The following MYCT1 variants were observed in gnomAD, a reference collection of about 807,000 sequenced individuals.
MYCT1 encodes myc target protein 1.
A neutral mutation model predicts 15.0 loss-of-function variants in MYCT1; 12 were observed. The ratio of observed to expected loss-of-function variants is 0.80; its 90% CI spans 0.51 to 1.29. MYCT1 has a LOEUF of 1.29. Ranked by LOEUF, MYCT1 falls within the 50% of genes most tolerant of loss-of-function variation. MYCT1 has a pLI of 0.00. For synonymous variants in MYCT1, 104 were observed against 102.7 expected (o/e 1.01, Z -0.07); for missense variants, 287 against 279.1 (o/e 1.03, Z -0.20).
chr6:152,743,348 G>C, the MYCT1 span, among the ~76,000 whole-genome samples: 1 of 152,320 alleles, frequency 6.6e-6, no homozygotes, highest in Middle Eastern at 3.4e-3. Context: ...TTATAGGCAT[G>C]AGCCACTGCG....
At chr6:152,731,895 C>T in the MYCT1 span, among the ~76,000 whole-genome samples, 1 of 152,034 alleles carries the variant, frequency 6.6e-6, no homozygotes. Flanking sequence ...CTATAGGGCA[C>T]ATGCCACCAC....
intron 1 of MYCT1, among the ~76,000 whole-genome samples, chr6:152,699,271 A>G (rs1320979719): frequency 6.6e-6 from 1 of 152,152 alleles, no homozygotes; most frequent in Non-Finnish European, 1.5e-5. Flanking sequence ...TGTGGGGACA[A>G]ATATTTATTG....
At chr6:152,738,197 C>T in the MYCT1 span, among the ~76,000 whole-genome samples, 4 of 152,030 alleles carry the variant, frequency 2.6e-5, no homozygotes, top group Non-Finnish European at 5.9e-5. Context: ...GGAAAAACAG[C>T]ATTAACAACT....
At chr6:152,745,015 T>A in the MYCT1 span, among the ~76,000 whole-genome samples, 1 of 152,078 alleles carries the variant, frequency 6.6e-6, no homozygotes, top group South Asian at 2.1e-4. Flanking sequence ...GGAGACCAGC[T>A]GGAACAACTG....
the MYCT1 span, among the ~76,000 whole-genome samples, chr6:152,739,699 A>G: frequency 6.6e-6 from 1 of 152,104 alleles, no homozygotes. Context: ...TTTAGAAAAT[A>G]TTAACTTTCT....
At chr6:152,719,543 C>A (rs1167595503) in intron 1 of MYCT1, among the ~76,000 whole-genome samples, 5 of 152,094 alleles carry the variant, frequency 3.3e-5, no homozygotes. Flanking sequence ...TGATATAATA[C>A]ACTAAAAAAT....
the MYCT1 span, among the ~76,000 whole-genome samples, chr6:152,738,853 T>A: frequency 2.4e-4 from 36 of 152,236 alleles, no homozygotes; most frequent in Middle Eastern, 3.4e-3. Flanking sequence ...ATTTTAGTTT[T>A]GTTTTTAAAG....
In MYCT1 at chr6:152,720,638, A is replaced by C. The variant is rs144347555; in HGVS notation, c.197-1104A>C. On this transcript the variant is annotated intron_variant, in intron 1 of 1. Coordinates refer to ENST00000367245, the MANE Select transcript of MYCT1 (RefSeq NM_025107.3). The stretch of plus-strand genomic sequence containing the variant: ...AATGAGTTTTCCAGACAGAAGCTTA[A>C]AAAATTGAATTCAGATAAAAGGACA... 7.1e-3 allele frequency among the ~76,000 whole-genome samples: 1,087 copies of C among 152,314 alleles called. 18 individuals carry two copies. The highest frequency in any genetic ancestry group is 0.025 in the African/African-American group (1,042 of 41,568).
intron 1 of MYCT1, among the ~76,000 whole-genome samples, chr6:152,701,096 C>T (rs551173946): frequency 6.6e-6 from 1 of 152,130 alleles, no homozygotes; most frequent in East Asian, 1.9e-4. Context: ...AAATCTTTCT[C>T]AGAAAAAAAA....
intron 1 of MYCT1, among the ~76,000 whole-genome samples, chr6:152,702,720 A>G (rs1433643333): frequency 6.6e-6 from 1 of 152,242 alleles, no homozygotes; most frequent in Non-Finnish European, 1.5e-5. Context: ...CAAATTTGGA[A>G]ACAAATACTA....
Position 152,722,698 on chromosome 6 carries a change from A to G in MYCT1, c.*445A>G. On this transcript the variant is annotated 3_prime_UTR_variant, in exon 2 of 2. Transcript: ENST00000367245. ...GGATTTGGATTTTACTTTCTTTAGA[A>G]TGACAAGTGAATCATATTGACATTT... The G allele has an allele frequency of 3.0e-6, 1 of 328,622 alleles. No homozygotes were observed. Among genetic ancestry groups the G allele is most frequent in the Non-Finnish European group, 6.0e-6 (1 of 167,512 alleles). The allele number at this position is 328,622 out of a possible 1,614,324, so 20.4% of individuals were successfully genotyped here. A position where few individuals can be genotyped will look rare whatever the true frequency, so the allele number is the denominator to read the frequency against.
chr6:152,722,244 A>G lies in MYCT1; in HGVS notation c.699A>G (p.Pro233=), dbSNP rs2099724849. The G allele has an allele frequency of 3.1e-6, 5 of 1,609,560 alleles. No individual in the cohort carries two copies. The highest frequency in any genetic ancestry group is 3.4e-6 in the Non-Finnish European group (4 of 1,177,718). The stretch of plus-strand genomic sequence containing the variant: ...ATGAGTCCATCATCAAGGCATTCCC[A>G]GATTCCTGAGTAGGGTGGCTTTTGG... ...PAYESIIKAF[P]DS is the part of the protein sequence containing the mutation. Residue 233 remains proline (P), a synonymous_variant, in exon 2 of 2, where the codon CCA becomes CCG. Coordinates refer to ENST00000367245, the MANE Select transcript of MYCT1 (RefSeq NM_025107.3).
At chr6:152,702,040 G>T (rs1318085349) in intron 1 of MYCT1, among the ~76,000 whole-genome samples, 1 of 152,048 alleles carries the variant, frequency 6.6e-6, no homozygotes, top group African/African-American at 2.4e-5. Context: ...TTCCCAGGAA[G>T]CTGGAAATAA....
chr6:152,744,771 A>G, the MYCT1 span, among the ~76,000 whole-genome samples: 1 of 152,194 alleles, frequency 6.6e-6, no homozygotes, highest in Non-Finnish European at 1.5e-5. Context: ...GATGTAGTCC[A>G]TAAAGGTCAG....
At chr6:152,713,733 C>T (rs1165220544) in intron 1 of MYCT1, among the ~76,000 whole-genome samples, 1 of 152,074 alleles carries the variant, frequency 6.6e-6, no homozygotes, top group African/African-American at 2.4e-5. Flanking sequence ...TTTGGGGATT[C>T]TCCTCTCTGG....
At chr6:152,737,641 C>G in the MYCT1 span, among the ~76,000 whole-genome samples, 32 of 152,222 alleles carry the variant, frequency 2.1e-4, no homozygotes, top group African/African-American at 7.7e-4. Flanking sequence ...AAGGCATCAT[C>G]TATTTCATTC....
the MYCT1 span, among the ~76,000 whole-genome samples, chr6:152,745,739 C>T: frequency 6.6e-6 from 1 of 152,154 alleles, no homozygotes; most frequent in African/African-American, 2.4e-5. Context: ...TGGACACCCA[C>T]GCTGGCTCTT....
intron 1 of MYCT1, among the ~76,000 whole-genome samples, chr6:152,715,451 C>A (rs537637473): frequency 1.3e-5 from 2 of 152,204 alleles, no homozygotes; most frequent in African/African-American, 4.8e-5. Flanking sequence ...AAAAAGGCAT[C>A]TACAATTTAT....
chr6:152,719,474 A>C (rs1466695517), intron 1 of MYCT1, among the ~76,000 whole-genome samples: 1 of 152,214 alleles, frequency 6.6e-6, no homozygotes, highest in Non-Finnish European at 1.5e-5. Context: ...CTCAGTAGCC[A>C]CAACTATTAA....
Sources: allele counts gnomAD v4.1 joint callset (sites outside exome capture counted in the v4.1 genomes callset), GRCh38; gene constraint gnomAD v4.1.1; transcripts MANE v1.5; gene names NCBI Gene and HGNC (gene_info 2026-07-23, HGNC 2026-07-21).